The following EEA1 variants were observed in gnomAD, a reference collection of about 807,000 sequenced individuals.
EEA1 encodes early endosome antigen 1, 162kD.
Under a neutral mutation model 209.2 loss-of-function variants are expected in EEA1, and 111 were observed. That is an observed-to-expected ratio of 0.53 (90% CI 0.45 to 0.62). The LOEUF is 0.62. Ranked by LOEUF, EEA1 falls within the 20% of genes least tolerant of loss-of-function variation. EEA1 has a pLI of 0.00. For missense variants in EEA1, 1,343 were observed against 1,530.8 expected (o/e 0.88, Z 2.05); for synonymous variants, 536 against 540.6 (o/e 0.99, Z 0.12).
intron 9 of EEA1, among the ~76,000 whole-genome samples, chr12:92,843,899 C>A (rs1036268302): frequency 6.6e-6 from 1 of 152,026 alleles, no homozygotes; most frequent in Admixed American, 6.6e-5. Flanking sequence ...GGCAACAATG[C>A]TATTATTTAA....
chr12:92,906,669 C>T (rs1457831460), intron 1 of EEA1, among the ~76,000 whole-genome samples: 1 of 152,030 alleles, frequency 6.6e-6, no homozygotes, highest in Non-Finnish European at 1.5e-5. Flanking sequence ...AAAAGGTTAG[C>T]CGGGCATAGT....
At chr12:92,863,332 A>T (rs1878230828) in intron 3 of EEA1, among the ~76,000 whole-genome samples, 1 of 152,224 alleles carries the variant, frequency 6.6e-6, no homozygotes, top group Non-Finnish European at 1.5e-5. Context: ...TGATGCTCTG[A>T]CACTTTTGAA....
At chr12:92,923,639 T>C (rs1881098209) in intron 1 of EEA1, among the ~76,000 whole-genome samples, 1 of 152,120 alleles carries the variant, frequency 6.6e-6, no homozygotes, top group Non-Finnish European at 1.5e-5. Flanking sequence ...AGTTACTTTT[T>C]CTTTTGTGCT....
Position 92,776,044 on chromosome 12 carries a change from G to C in EEA1, c.4203C>G (p.Val1401=). The change falls in exon 29 of 29, where the codon GTC becomes GTG. Residue 1401 remains valine (V), a synonymous_variant. Transcript: ENST00000322349. ...GCAAGTCATTGAAACATGCATCACA[G>C]ACACGAACAGGCTTCTTGGAGGAAG... The part of the protein sequence containing the change: ...LTPSSKKPVR[V]CDACFNDLQG 1.2e-6 allele frequency: 2 copies of C among 1,611,454 alleles called. No individual in the cohort carries two copies. Among genetic ancestry groups the C allele is most frequent in the Non-Finnish European group, 1.7e-6 (2 of 1,178,306 alleles).
intron 24 of EEA1, 92 bp downstream of exon 24, chr12:92,780,188 T>C (rs1873845144): frequency 7.3e-7 from 1 of 1,373,644 alleles, no homozygotes; most frequent in South Asian, 1.4e-5. Flanking sequence ...CATAGCAAGT[T>C]CTCAATAAAT....
chr12:92,789,254 C>T (rs1404709465), intron 21 of EEA1, among the ~76,000 whole-genome samples: 1 of 144,796 alleles, frequency 6.9e-6, no homozygotes, highest in Non-Finnish European at 1.5e-5. Flanking sequence ...CGCACCACTG[C>T]ACTCCATCCT....
chr12:92,819,758 C>T (rs1008444268), intron 13 of EEA1, among the ~76,000 whole-genome samples: 7 of 151,830 alleles, frequency 4.6e-5, no homozygotes, highest in Admixed American at 1.3e-4. Flanking sequence ...TTTTCTAACA[C>T]TCTAATATGA....
intron 1 of EEA1, among the ~76,000 whole-genome samples, chr12:92,909,174 C>T (rs1212793360): frequency 4.6e-5 from 7 of 152,144 alleles, no homozygotes; most frequent in Admixed American, 1.3e-4. Flanking sequence ...AAAAGCAAAG[C>T]GCACCCTACG....
intron 1 of EEA1, among the ~76,000 whole-genome samples, chr12:92,893,398 T>TA (rs1289765636): frequency 6.6e-6 from 1 of 152,184 alleles, no homozygotes; most frequent in East Asian, 1.9e-4. Context: ...GTGTGGCTCT[T>TA]AATCACTAAC....
chr12:92,923,032 C>T (rs1473828934), intron 1 of EEA1, among the ~76,000 whole-genome samples: 1 of 150,602 alleles, frequency 6.6e-6, no homozygotes, highest in East Asian at 2.0e-4. Context: ...GAGGGTTTTT[C>T]CTTATTACAG....
chr12:92,813,258 T>C (rs1209938500), intron 15 of EEA1, among the ~76,000 whole-genome samples, 165 bp from the exon 16 acceptor site: 1 of 152,170 alleles, frequency 6.6e-6, no homozygotes, highest in Non-Finnish European at 1.5e-5. Context: ...ATCGCCAAAA[T>C]AGGAATGATA....
chr12:92,853,892 A>G (rs1393418683), intron 6 of EEA1, 23 bp downstream of exon 6: 1 of 1,588,978 alleles, frequency 6.3e-7, no homozygotes. Context: ...AACTGACAAA[A>G]TATCTGCTTT....
intron 1 of EEA1, among the ~76,000 whole-genome samples, chr12:92,901,085 A>C (rs140950532): frequency 5.3e-4 from 80 of 152,350 alleles, no homozygotes; most frequent in African/African-American, 1.8e-3. Flanking sequence ...AAGACACTGG[A>C]AACAGGAAGT....
At position 92,777,543 on chromosome 12, in the gene EEA1, C is replaced by T; in HGVS notation, c.4014G>A (p.Gln1338=). 1 of 1,611,160 alleles carries T rather than the reference C, an allele frequency of 6.2e-7. No homozygotes were observed. Among genetic ancestry groups the T allele is most frequent in the Non-Finnish European group, 8.5e-7 (1 of 1,178,214 alleles). ...TGCTTCATATCCATAGGTGACTGAC[C>T]TGAAGTGATTGGTTTTCTCTGCCCA... ...QELGRENQSL[Q]IKHTQALNRK... is the part of the protein sequence containing the mutation. The change falls in exon 27 of 29, where the codon CAG becomes CAA. Residue 1338 remains glutamine, a splice_region_variant and synonymous_variant. Transcript: ENST00000322349.
chr12:92,923,704 TTATC>T (rs567949936), intron 1 of EEA1, among the ~76,000 whole-genome samples: 5 of 152,274 alleles, frequency 3.3e-5, no homozygotes, highest in South Asian at 4.1e-4. Flanking sequence ...TTGTAATTAT[TTATC>T]TGTCTCCTCC....
In EEA1 at chr12:92,860,602, G is replaced by A. The variant is rs553830136; in HGVS notation, c.246-3117C>T. Among the ~76,000 whole-genome samples the A allele has an allele frequency of 2.6e-5, 4 of 152,128 alleles. No individual in the cohort carries two copies. In the South Asian group the frequency reaches 8.3e-4, roughly 32 times the overall value. On this transcript the variant is annotated intron_variant, in intron 3 of 28. Transcript: ENST00000322349. The stretch of plus-strand genomic sequence containing the variant: ...CTTTAACATGTTTCCAGCATTCCTA[G>A]GTAGGCCAAGGTGTCCTACAGAAAA...
At chr12:92,787,770 T>C in intron 22 of EEA1, 97 bp downstream of exon 22, 1 of 989,094 alleles carries the variant, frequency 1.0e-6, no homozygotes. Context: ...ATTCCACAAA[T>C]ACTAACATTT....
At chr12:92,883,804 G>A (rs1879267179) in intron 2 of EEA1, 10 of 1,581,376 alleles carry the variant, frequency 6.3e-6, no homozygotes, top group Admixed American at 1.7e-5. Flanking sequence ...TAAAGAGCCC[G>A]AACAGCTGAG....
chr12:92,847,425 T>G (rs1402263873), intron 9 of EEA1, among the ~76,000 whole-genome samples: 1 of 152,166 alleles, frequency 6.6e-6, no homozygotes, highest in Non-Finnish European at 1.5e-5. Context: ...TTTAATAAAT[T>G]AATAAAACGT....
Sources: gnomAD v4.1 joint callset for allele counts (sites outside exome capture counted in the v4.1 genomes callset) on GRCh38, gnomAD v4.1.1 for gene constraint, MANE v1.5 for transcripts, NCBI Gene and HGNC (gene_info 2026-07-23, HGNC 2026-07-21) for gene names.